TBX19: variants seen among roughly 807,000 people sequenced by gnomAD.
TBX19 encodes T-box transcription factor 19, also known as T-box transcription factor TBX19.
A neutral mutation model predicts 40.9 loss-of-function variants in TBX19; 33 were observed. The ratio of observed to expected loss-of-function variants is 0.81; its 90% CI spans 0.61 to 1.08. The LOEUF (loss-of-function observed/expected upper bound fraction) is 1.08. Among genes scored for constraint, TBX19 ranks in the 50% least tolerant of loss-of-function variants. TBX19 has a pLI of 0.00. For missense variants in TBX19, 494 were observed against 574.0 expected (o/e 0.86, Z 1.42); for synonymous variants, 220 against 225.0 (o/e 0.98, Z 0.20).
At chr1:168,297,632 G>A in intron 3 of TBX19, 92 bp from the exon 4 acceptor site, 2 of 1,145,602 alleles carry the variant, frequency 1.7e-6, no homozygotes, top group South Asian at 1.3e-5. Context: ...GGAAAAGAGA[G>A]GGAATTAAAC....
intron 1 of TBX19, among the ~76,000 whole-genome samples, chr1:168,282,228 TAAAAG>T (rs1012094026): frequency 2.0e-5 from 3 of 152,192 alleles, no homozygotes; most frequent in Non-Finnish European, 4.4e-5. Flanking sequence ...AGAATTCTGA[TAAAAG>T]AGAAGAGCCG....
chr1:168,297,875 C>T, intron 4 of TBX19, 90 bp downstream of exon 4: 1 of 1,133,968 alleles, frequency 8.8e-7, no homozygotes, highest in Non-Finnish European at 1.3e-6. Flanking sequence ...AGGAACTAGA[C>T]TAGTAGCACT....
intron 2 of TBX19, among the ~76,000 whole-genome samples, chr1:168,292,099 A>C (rs1466430913): frequency 6.6e-6 from 1 of 152,086 alleles, no homozygotes; most frequent in Non-Finnish European, 1.5e-5. Flanking sequence ...GATGGGAGTA[A>C]AGGGTCTGGA....
chr1:168,306,710 T>C (rs952291164), intron 6 of TBX19, among the ~76,000 whole-genome samples: 9 of 150,892 alleles, frequency 6.0e-5, no homozygotes, highest in African/African-American at 2.0e-4. Flanking sequence ...TGAATCCTAA[T>C]GTAATGCAGA....
At chr1:168,295,950 G>C (rs1649094150) in intron 3 of TBX19, among the ~76,000 whole-genome samples, 1 of 152,170 alleles carries the variant, frequency 6.6e-6, no homozygotes, top group Admixed American at 6.5e-5. Flanking sequence ...TGAACCACCT[G>C]ACTGGTCATT....
chr1:168,298,085 A>T (rs1649161359), intron 4 of TBX19, among the ~76,000 whole-genome samples: 2 of 152,054 alleles, frequency 1.3e-5, no homozygotes, highest in South Asian at 4.1e-4. Context: ...AGTCCCAGCT[A>T]CTCGGGAGGC....
chr1:168,289,106 A>G (rs1008175494), intron 1 of TBX19, among the ~76,000 whole-genome samples: 5 of 152,342 alleles, frequency 3.3e-5, no homozygotes, highest in African/African-American at 9.6e-5. Context: ...CTGGACCAGA[A>G]CACAGAGACC....
Position 168,313,034 on chromosome 1 carries a change from T to C in TBX19, c.*32T>C. 6.2e-7 allele frequency: 1 copy of C among 1,613,252 alleles called. No individual in the cohort carries two copies. Reference sequence around the variant, plus strand: ...TCCTAGGAGCCTCTTTGCACAGCGATCCTTCCATGTGTAGAGTGCTTAGAA... The same window carrying C: ...TCCTAGGAGCCTCTTTGCACAGCGACCCTTCCATGTGTAGAGTGCTTAGAA... On this transcript the variant is annotated 3_prime_UTR_variant, in exon 8 of 8. Coordinates refer to ENST00000367821, the MANE Select transcript of TBX19 (RefSeq NM_005149.3).
At chr1:168,304,895 C>T (rs760178361) in intron 5 of TBX19, 113 bp from the exon 6 acceptor site, 2 of 1,077,848 alleles carry the variant, frequency 1.9e-6, no homozygotes, top group Non-Finnish European at 2.8e-6. Flanking sequence ...ATCACACAGG[C>T]TGGCATCAGT....
In TBX19 at chr1:168,291,270, A is replaced by G. The variant is rs1419458715; in HGVS notation, c.314A>G (p.Asn105Ser). ...GACAGTCACCGCTGGAAGTACGTCA[A>G]CGGGGAATGGGTGCCCGCTGGCAAG... ...PTDSHRWKYVNGEWVPAGKPE... is the reference protein window; with the variant it reads ...PTDSHRWKYVSGEWVPAGKPE... The change falls in exon 2 of 8, where the codon AAC becomes AGC. Residue 105 changes from asparagine to serine, a missense_variant. By Grantham distance (46) the Asn-to-Ser change is conservative. Coordinates refer to ENST00000367821, the MANE Select transcript of TBX19 (RefSeq NM_005149.3). The G allele has an allele frequency of 1.2e-6, 2 of 1,614,228 alleles. No individual in the cohort carries two copies. Among genetic ancestry groups the G allele is most frequent in the East Asian group, 2.2e-5 (1 of 44,884 alleles).
In TBX19 at chr1:168,305,021, C is replaced by T; in HGVS notation, c.741C>T (p.Ile247=). ...HVTYSHLGGW[I]FSNPDGVCTA... ...TGTCTATTTTAGTGGGAGGCTGGAT[C>T]TTTTCCAATCCAGATGGAGTGTGCA... The change falls in exon 6 of 8, where the codon ATC becomes ATT. Residue 247 remains isoleucine, a synonymous_variant. Transcript: ENST00000367821. 6.2e-7 allele frequency: 1 copy of T among 1,614,062 alleles called. No homozygotes were observed. Among genetic ancestry groups the T allele is most frequent in the Non-Finnish European group, 8.5e-7 (1 of 1,180,008 alleles).
At chr1:168,309,021 A>G in intron 7 of TBX19, 144 bp downstream of exon 7, 1 of 1,176,160 alleles carries the variant, frequency 8.5e-7, no homozygotes, top group East Asian at 2.5e-5. Context: ...CAAGGTGGCA[A>G]CAGGGTGGAG....
intron 7 of TBX19, among the ~76,000 whole-genome samples, chr1:168,309,904 A>G (rs1352806854): frequency 6.6e-6 from 1 of 152,248 alleles, no homozygotes; most frequent in Non-Finnish European, 1.5e-5. Flanking sequence ...GAGAAAATGC[A>G]TTAACGTGCT....
At chr1:168,286,170 A>G (rs74436931) in intron 1 of TBX19, among the ~76,000 whole-genome samples, 5,825 of 152,322 alleles carry the variant, frequency 0.038, 155 homozygotes, top group Middle Eastern at 0.088. Context: ...TAATCATTCT[A>G]CCATTTCCCA....
Position 168,291,186 on chromosome 1 carries a change from G to A in TBX19, c.230G>A (p.Ser77Asn), listed in dbSNP as rs755600536. Residue 77 changes from serine (S) to asparagine (N), a missense_variant, in exon 2 of 8, where the codon AGT becomes AAT. Physicochemically the swap from Ser to Asn is conservative, Grantham distance 46. This residue lies in a region of TBX19 where 201 missense variants were observed against 235.2 expected (regional missense o/e 0.85). Transcript: ENST00000367821. ...CGGATGTTTCCAGTCCTAAAGATTAGTGTCACAGGGTTGGACCCCAATGCC... is the reference window on the plus strand; with the variant it reads ...CGGATGTTTCCAGTCCTAAAGATTAATGTCACAGGGTTGGACCCCAATGCC... The part of the protein sequence containing the change: ...GRRMFPVLKI[S>N]VTGLDPNAMY... The A allele has an allele frequency of 8.7e-5, 140 of 1,614,036 alleles. No homozygotes were observed. The highest frequency in any genetic ancestry group is 1.1e-4 in the Non-Finnish European group (124 of 1,180,040).
chr1:168,285,465 A>G (rs1342438208), intron 1 of TBX19, among the ~76,000 whole-genome samples: 6 of 152,128 alleles, frequency 3.9e-5, no homozygotes, highest in African/African-American at 1.4e-4. Context: ...TGCAAACCTC[A>G]CTTCTCATAG....
chr1:168,297,874 A>T, intron 4 of TBX19, 89 bp downstream of exon 4: 3 of 1,140,034 alleles, frequency 2.6e-6, no homozygotes, highest in Non-Finnish European at 3.9e-6. Context: ...AAGGAACTAG[A>T]CTAGTAGCAC....
rs1648831274 is a variant in TBX19 at position 168,287,464 on chromosome 1, A to G, written c.204-3696A>G. Among the ~76,000 whole-genome samples the G allele has an allele frequency of 3.3e-5, 5 of 152,090 alleles. No individual in the cohort carries two copies. The South Asian group carries it at 1.0e-3, about 31-fold the overall frequency. ...CCTTCATGTCACTCTTGCAATTTGA[A>G]ATGATTTTTTTTTTAATAGAGATGG... On this transcript the variant is annotated intron_variant, in intron 1 of 7. Transcript: ENST00000367821.
intron 1 of TBX19, among the ~76,000 whole-genome samples, chr1:168,288,479 T>G (rs956182117): frequency 1.3e-5 from 2 of 152,058 alleles, no homozygotes; most frequent in African/African-American, 4.8e-5. Context: ...GAGGTAGGAG[T>G]TGAGCCCAGG....
Sources: gnomAD v4.1 joint callset for allele counts (sites outside exome capture counted in the v4.1 genomes callset) on GRCh38, gnomAD v4.1.1 for gene constraint, gnomAD v4.1.1 regional missense constraint, MANE v1.5 for transcripts, NCBI Gene and HGNC (gene_info 2026-07-23, HGNC 2026-07-21) for gene names.